The following NLRP14 variants were observed in gnomAD, a reference collection of about 807,000 sequenced individuals.
NLRP14 encodes the protein NACHT, LRR and PYD domains-containing protein 14.
NLRP14 carries 105 observed loss-of-function variants against 94.7 expected under a neutral mutation model. The observed-to-expected ratio is 1.11, with a 90% CI of 0.95 to 1.30. NLRP14 has a LOEUF of 1.30. NLRP14 is among the 50% of genes most tolerant of loss of function. NLRP14 has a pLI of 0.00. For missense variants in NLRP14, 1,362 were observed against 1,254.1 expected, an observed-to-expected ratio of 1.09 and a Z score of -1.30; for synonymous variants, 508 against 459.9, an observed-to-expected ratio of 1.10 and a Z score of -1.34.
chr11:7,040,664 T>A lies in NLRP14; in HGVS notation c.361+879T>A, dbSNP rs1398116847. Among the ~76,000 whole-genome samples the A allele has an allele frequency of 3.3e-5, 5 of 152,290 alleles. No homozygotes were observed. In the East Asian group the frequency reaches 9.6e-4, roughly 29 times the overall value. On this transcript the variant is annotated intron_variant, in intron 3 of 11. Transcript: ENST00000299481. ...GAATTACAGTAGAAAGAAAATTAGA[T>A]CAAGTGAGAAACCTTTATTCTTAAC...
At chr11:7,090,532 T>C in the NLRP14 span, 1 of 593,488 alleles carries the variant, frequency 1.7e-6, no homozygotes, top group Non-Finnish European at 3.0e-6. Flanking sequence ...GTTAAAAGTA[T>C]ATGAACCTGA....
chr11:7,047,897 C>A (rs2119640371), intron 5 of NLRP14, among the ~76,000 whole-genome samples: 1 of 151,514 alleles, frequency 6.6e-6, no homozygotes, highest in Non-Finnish European at 1.5e-5. Flanking sequence ...GTAGGTGGGA[C>A]TACAGGCACG....
At chr11:7,022,500 G>C (rs1381551260) in intron 1 of NLRP14, among the ~76,000 whole-genome samples, 1 of 152,186 alleles carries the variant, frequency 6.6e-6, no homozygotes, top group Non-Finnish European at 1.5e-5. Flanking sequence ...TTGGAGTCAA[G>C]TCTGACAAGA....
intron 10 of NLRP14, among the ~76,000 whole-genome samples, chr11:7,067,249 G>A (rs533057443): frequency 1.2e-4 from 18 of 152,268 alleles, no homozygotes; most frequent in Admixed American, 1.2e-3. Flanking sequence ...AAAGTCAATA[G>A]TAGCTTGATG....
chr11:7,068,607 C>T (rs755498691), intron 10 of NLRP14, among the ~76,000 whole-genome samples: 20 of 152,278 alleles, frequency 1.3e-4, no homozygotes, highest in Non-Finnish European at 1.5e-4. Context: ...TCATTTGCTA[C>T]ATGACTTTTT....
chr11:7,085,269 T>G, the NLRP14 span, among the ~76,000 whole-genome samples: 1 of 152,248 alleles, frequency 6.6e-6, no homozygotes, highest in Non-Finnish European at 1.5e-5. Context: ...TACAACATTG[T>G]GTTCACCATC....
At chr11:7,066,868 T>G (rs1852713657) in intron 10 of NLRP14, among the ~76,000 whole-genome samples, 1 of 151,698 alleles carries the variant, frequency 6.6e-6, no homozygotes, top group Non-Finnish European at 1.5e-5. Flanking sequence ...TAATTTTGTG[T>G]AAGGAAGGTA....
intron 2 of NLRP14, among the ~76,000 whole-genome samples, chr11:7,039,285 A>G (rs530105397): frequency 2.5e-4 from 38 of 152,232 alleles, no homozygotes; most frequent in African/African-American, 8.4e-4. Context: ...CCAAGGCAGT[A>G]TTTTTAGTCA....
At chr11:7,087,489 T>C in the NLRP14 span, among the ~76,000 whole-genome samples, 4 of 152,162 alleles carry the variant, frequency 2.6e-5, no homozygotes, top group Admixed American at 2.6e-4. Context: ...ATATCTCAGT[T>C]AGGTTTGATT....
chr11:7,066,120 TG>T (rs1681181027), intron 10 of NLRP14, among the ~76,000 whole-genome samples: 2 of 152,232 alleles, frequency 1.3e-5, no homozygotes, highest in Admixed American at 1.3e-4. Flanking sequence ...GATTGGCATT[TG>T]GGTTGGTTCT....
intron 4 of NLRP14, among the ~76,000 whole-genome samples, chr11:7,044,394 G>T (rs1381790988): frequency 1.3e-5 from 2 of 152,112 alleles, no homozygotes; most frequent in African/African-American, 4.8e-5. Flanking sequence ...GAAATTTTCT[G>T]CTGAACCTGG....
chr11:7,024,855 T>C (rs557608338), intron 1 of NLRP14, among the ~76,000 whole-genome samples: 1 of 152,142 alleles, frequency 6.6e-6, no homozygotes, highest in African/African-American at 2.4e-5. Flanking sequence ...AGGTATCCTA[T>C]ATGATTTGGT....
In NLRP14 at chr11:7,058,366, T is replaced by C. The variant is rs1852552640; in HGVS notation, c.2549T>C (p.Leu850Ser). ...AATAAAAGACTGACACATTTGTGCTTGGCAGACAATGTCTTGGGTGATGGT... is the reference window on the plus strand; with the variant it reads ...AATAAAAGACTGACACATTTGTGCTCGGCAGACAATGTCTTGGGTGATGGT... ...ISNKRLTHLC[L>S]ADNVLGDGGV... The change falls in exon 8 of 12, where the codon TTG (leucine) becomes TCG (serine). Residue 850 changes from leucine (L) to serine (S), a missense_variant. By Grantham distance (145) the Leu-to-Ser change is moderately radical (BLOSUM62 -2). Transcript: ENST00000299481. 1 of 1,612,496 alleles carries C rather than the reference T, an allele frequency of 6.2e-7. No homozygotes were observed. Among genetic ancestry groups the C allele is most frequent in the Admixed American group, 1.7e-5 (1 of 59,898 alleles).
At chr11:7,021,454 G>C (rs1851934170) in intron 1 of NLRP14, among the ~76,000 whole-genome samples, 2 of 152,002 alleles carry the variant, frequency 1.3e-5, no homozygotes, top group Admixed American at 6.5e-5. Flanking sequence ...ACTGGGCGTG[G>C]GCCTTCCCTG....
intron 1 of NLRP14, among the ~76,000 whole-genome samples, chr11:7,025,614 A>C (rs1473283764): frequency 6.6e-6 from 1 of 152,194 alleles, no homozygotes; most frequent in African/African-American, 2.4e-5. Flanking sequence ...GAGTCACTCA[A>C]GTAACAAAAT....
At chr11:7,064,534 C>T (rs1852676239) in intron 10 of NLRP14, among the ~76,000 whole-genome samples, 1 of 151,978 alleles carries the variant, frequency 6.6e-6, no homozygotes, top group Non-Finnish European at 1.5e-5. Flanking sequence ...CTGCTCTTCC[C>T]CTACACCAAT....
At chr11:7,041,637 T>A (rs1269452976) in intron 3 of NLRP14, among the ~76,000 whole-genome samples, 2 of 152,184 alleles carry the variant, frequency 1.3e-5, no homozygotes, top group East Asian at 3.8e-4. Flanking sequence ...GACCATGCAA[T>A]GATGAAGCCC....
chr11:7,059,770 G>GT lies in NLRP14; in HGVS notation c.2634-121dup, dbSNP rs1291017296. On this transcript the variant is annotated intron_variant, in intron 8 of 11. Transcript: ENST00000299481. Reference sequence around the variant, plus strand: ...AGTGAGACAGGCTGGCAGTGAGGGTGTTTCATCTGAGATGGAATGTTGGCA... The same window carrying GT: ...AGTGAGACAGGCTGGCAGTGAGGGTGTTTTCATCTGAGATGGAATGTTGGCA... 12 of 829,854 alleles carry GT rather than the reference G, an allele frequency of 1.4e-5. No individual in the cohort carries two copies. In the Admixed American group the frequency reaches 2.4e-4, roughly 17 times the overall value. 51.4% of individuals were successfully genotyped at this position (829,854 alleles called of 1,614,324 possible).
intron 10 of NLRP14, among the ~76,000 whole-genome samples, chr11:7,069,028 TAACTC>T (rs1221182431): frequency 6.6e-6 from 1 of 152,232 alleles, no homozygotes; most frequent in Non-Finnish European, 1.5e-5. Flanking sequence ...TTTTTCCAGA[TAACTC>T]AGTTACTGTG....
Sources: gnomAD v4.1 joint callset for allele counts (sites outside exome capture counted in the v4.1 genomes callset) on GRCh38, gnomAD v4.1.1 for gene constraint, MANE v1.5 for transcripts, NCBI Gene and HGNC (gene_info 2026-07-23, HGNC 2026-07-21) for gene names.